Variants in USP4 observed in about 807,000 individuals in gnomAD.
USP4 encodes the protein ubiquitin specific peptidase 4.
A neutral mutation model predicts 118.2 loss-of-function variants in USP4; 72 were observed. The ratio of observed to expected loss-of-function variants is 0.61; its 90% CI spans 0.50 to 0.74. USP4 has a LOEUF of 0.74. Ranked by LOEUF, USP4 falls within the 30% of genes least tolerant of loss-of-function variation. USP4 has a pLI of 0.00. For missense variants in USP4, 1,037 were observed against 1,185.7 expected (o/e 0.87, Z 1.84); for synonymous variants, 415 against 440.4 (o/e 0.94, Z 0.72).
intron 10 of USP4, among the ~76,000 whole-genome samples, chr3:49,301,124 G>A (rs537844499): frequency 6.6e-6 from 1 of 152,042 alleles, no homozygotes; most frequent in African/African-American, 2.4e-5. Context: ...AGGTTTGGTA[G>A]GGATGGGGGT....
intron 6 of USP4, among the ~76,000 whole-genome samples, chr3:49,318,943 C>G (rs1352106169): frequency 6.7e-6 from 1 of 150,030 alleles, no homozygotes; most frequent in Admixed American, 6.6e-5. Flanking sequence ...CCATCACCAC[C>G]ACCAAGGAAT....
At chr3:49,313,763 G>T (rs928350421) in intron 6 of USP4, 1 of 152,036 alleles carries the variant, frequency 6.6e-6, no homozygotes, top group African/African-American at 2.4e-5. Flanking sequence ...TTAATTCAAG[G>T]GCTAATTGCC....
At chr3:49,327,957 T>TACAGAG in intron 2 of USP4, 141 bp from the exon 3 acceptor site, 1 of 722,020 alleles carries the variant, frequency 1.4e-6, no homozygotes, top group Non-Finnish European at 2.2e-6. Context: ...CTGTCACTGG[T>TACAGAG]CATTATACAG....
At chr3:49,294,000 G>C (rs910336170) in intron 14 of USP4, among the ~76,000 whole-genome samples, 5 of 149,174 alleles carry the variant, frequency 3.4e-5, no homozygotes, top group African/African-American at 1.2e-4. Flanking sequence ...TTTTGAGATG[G>C]AGTCTCACTC....
At chr3:49,331,816 AAGAG>A (rs1218391638) in intron 2 of USP4, among the ~76,000 whole-genome samples, 5 of 151,882 alleles carry the variant, frequency 3.3e-5, no homozygotes, top group Non-Finnish European at 5.9e-5. Flanking sequence ...ATCCCTTAAG[AAGAG>A]AGTCAGCCTG....
intron 11 of USP4, 59 bp from the exon 12 acceptor site, chr3:49,298,694 T>C (rs567420605): frequency 3.4e-5 from 50 of 1,477,192 alleles, no homozygotes; most frequent in Non-Finnish European, 4.6e-5. Context: ...CGAAATGCAT[T>C]AGGAGAAGCA....
At position 49,284,866 on chromosome 3, in the gene USP4, C is replaced by G. The variant is rs746595892; in HGVS notation, c.2254G>C (p.Asp752His). ...WDSETRRLYY[D>H]EQESEAYEKH... ...GGACCTACCTCAGATTCTTGCTCAT[C>G]ATAGTAAAGTCTCCGAGTTTCACTG... is the stretch of plus-strand genomic sequence containing the variant. Residue 752 changes from aspartate (D) to histidine (H), a missense_variant, in exon 17 of 22, where the codon GAT becomes CAT. Asp to His is a moderately conservative substitution (Grantham distance 81). This residue lies in a region of USP4 where 522 missense variants were observed against 592.6 expected (regional missense o/e 0.88). Coordinates refer to ENST00000265560, the MANE Select transcript of USP4 (RefSeq NM_003363.4). The G allele has an allele frequency of 5.0e-6, 8 of 1,613,644 alleles. No individual in the cohort carries two copies. The African/African-American group carries it at 5.3e-5, about 11-fold the overall frequency.
chr3:49,290,933 T>C (rs572700938), intron 15 of USP4, among the ~76,000 whole-genome samples: 2 of 151,918 alleles, frequency 1.3e-5, no homozygotes, highest in African/African-American at 4.8e-5. Context: ...AAACCATGAT[T>C]GAACCACTGC....
At chr3:49,281,178 C>T (rs372914531) in intron 19 of USP4, among the ~76,000 whole-genome samples, 38 of 151,952 alleles carry the variant, frequency 2.5e-4, no homozygotes, top group African/African-American at 7.2e-4. Context: ...AAAATTAGGC[C>T]GCGCACGGTG....
At chr3:49,283,774 G>T (rs774707801) in intron 19 of USP4, among the ~76,000 whole-genome samples, 2 of 152,208 alleles carry the variant, frequency 1.3e-5, no homozygotes, top group African/African-American at 4.8e-5. Flanking sequence ...AGCAGCCTGT[G>T]TCTGGGCAAA....
intron 2 of USP4, among the ~76,000 whole-genome samples, chr3:49,332,524 C>T (rs553758948): frequency 2.6e-4 from 40 of 151,788 alleles, no homozygotes; most frequent in Middle Eastern, 6.8e-3. Flanking sequence ...TGGCATCTTC[C>T]CAATAGAAGG....
At chr3:49,280,598 A>G (rs907587243) in intron 20 of USP4, 146 bp downstream of exon 20, 37 of 490,470 alleles carry the variant, frequency 7.5e-5, no homozygotes, top group Non-Finnish European at 1.2e-4. Context: ...AAAAACAGAG[A>G]GGGGAATCAG....
intron 19 of USP4, among the ~76,000 whole-genome samples, chr3:49,281,702 G>A (rs1311961143): frequency 1.4e-5 from 2 of 139,272 alleles, no homozygotes; most frequent in African/African-American, 2.7e-5. Flanking sequence ...CAACAAGAGC[G>A]TAACTCCGTC....
chr3:49,309,817 G>C (rs936142160), intron 8 of USP4, among the ~76,000 whole-genome samples: 1 of 150,690 alleles, frequency 6.6e-6, no homozygotes, highest in Non-Finnish European at 1.5e-5. Context: ...AGTAGAGATG[G>C]GGTTTTGCCA....
In USP4 at chr3:49,284,123, A is replaced by T; in HGVS notation, c.2404T>A (p.Cys802Ser). ...GEHDPWYCPN[C>S]KKHQQATKKF... ...TTTGTGGCCTGTTGATGCTTCTTAC[A>T]GTTGGGACAGTACCTAAAAAGAGAA... Residue 802 changes from cysteine (C) to serine (S), a missense_variant, in exon 19 of 22, where the codon TGT becomes AGT. Around this residue, in one of 3 missense-constraint regions of USP4, gnomAD observed 522 missense variants for 592.6 expected, o/e 0.88. Transcript: ENST00000265560. The T allele has an allele frequency of 6.2e-7, 1 of 1,614,178 alleles. No homozygotes were observed.
chr3:49,307,409 A>G (rs2047330283), intron 8 of USP4, among the ~76,000 whole-genome samples: 1 of 151,088 alleles, frequency 6.6e-6, no homozygotes, highest in East Asian at 1.9e-4. Flanking sequence ...GAGCAAGACT[A>G]TGTCTCAAAA....
At chr3:49,280,221 G>A (rs1307783536) in intron 20 of USP4, among the ~76,000 whole-genome samples, 7 of 151,594 alleles carry the variant, frequency 4.6e-5, no homozygotes, top group African/African-American at 7.3e-5. Context: ...CCGAGACTGC[G>A]CCACTGCTTT....
chr3:49,305,211 T>A (rs1396694676), intron 9 of USP4, among the ~76,000 whole-genome samples: 1 of 148,286 alleles, frequency 6.7e-6, no homozygotes, highest in Admixed American at 6.8e-5. Flanking sequence ...TAGCTGGGAC[T>A]ACAGGCGCCT....
intron 2 of USP4, among the ~76,000 whole-genome samples, chr3:49,328,703 T>C (rs2047582549): frequency 2.0e-5 from 3 of 150,008 alleles, no homozygotes; most frequent in Non-Finnish European, 3.0e-5. Context: ...CTAGTAAAAA[T>C]ACAAAAATTA....
Sources: gnomAD v4.1 joint callset for allele counts (sites outside exome capture counted in the v4.1 genomes callset) on GRCh38, gnomAD v4.1.1 for gene constraint, gnomAD v4.1.1 regional missense constraint, MANE v1.5 for transcripts, NCBI Gene and HGNC (gene_info 2026-07-23, HGNC 2026-07-21) for gene names.